The following BAZ2B variants were observed in gnomAD, a reference collection of about 807,000 sequenced individuals.
The protein encoded by BAZ2B is bromodomain adjacent to zinc finger domain 2B.
BAZ2B carries 91 observed loss-of-function variants against 246.0 expected under a neutral mutation model. The observed-to-expected ratio is 0.37, with a 90% CI of 0.31 to 0.44. The LOEUF (loss-of-function observed/expected upper bound fraction) is 0.44. BAZ2B is among the 20% of genes least tolerant of loss of function. BAZ2B has a pLI of 1.00. For synonymous variants in BAZ2B, 855 were observed against 860.0 expected (o/e 0.99, Z 0.10); for missense variants, 2,332 against 2,533.7 (o/e 0.92, Z 1.71).
chr2:159,598,056 C>T lies in BAZ2B; in HGVS notation c.-46+18186G>A, dbSNP rs183598617. ...GTCACCTAGGCTGGATGCAGTGGCA[C>T]GATCTCTGCTCACTGCAATCTCTGC... On this transcript the variant is annotated intron_variant, in intron 1 of 36. Coordinates refer to ENST00000392783, the MANE Select transcript of BAZ2B (RefSeq NM_013450.4). Among the ~76,000 whole-genome samples, 69 of 151,248 alleles carry T rather than the reference C, an allele frequency of 4.6e-4. No homozygotes were observed. The East Asian group carries it at 0.012, about 27-fold the overall frequency.
At chr2:159,425,060 T>C (rs993167429) in intron 13 of BAZ2B, among the ~76,000 whole-genome samples, 1 of 152,224 alleles carries the variant, frequency 6.6e-6, no homozygotes, top group Admixed American at 6.5e-5. Context: ...CTTGGAAAAC[T>C]GTAGTGGCAA....
At chr2:159,641,480 T>C in the BAZ2B span, among the ~76,000 whole-genome samples, 3 of 152,204 alleles carry the variant, frequency 2.0e-5, no homozygotes, top group Non-Finnish European at 4.4e-5. Context: ...AGATGCATAG[T>C]TGGCAAAAAT....
chr2:159,447,626 G>A (rs1192850843), intron 5 of BAZ2B, among the ~76,000 whole-genome samples: 1 of 152,032 alleles, frequency 6.6e-6, no homozygotes, highest in Non-Finnish European at 1.5e-5. Context: ...TTACATATAG[G>A]GAGGTAATGA....
chr2:159,615,529 C>T (rs865926413), intron 1 of BAZ2B: 1 of 152,168 alleles, frequency 6.6e-6, no homozygotes, highest in Non-Finnish European at 1.5e-5. Context: ...GAGCCTCCAG[C>T]TACACACGGG....
chr2:159,693,043 T>G, the BAZ2B span, among the ~76,000 whole-genome samples: 2 of 152,180 alleles, frequency 1.3e-5, no homozygotes, highest in African/African-American at 4.8e-5. Flanking sequence ...GATCCTCCTG[T>G]GTTGACCTCC....
intron 27 of BAZ2B, among the ~76,000 whole-genome samples, chr2:159,368,520 G>A (rs958769175): frequency 5.9e-5 from 9 of 152,016 alleles, no homozygotes; most frequent in African/African-American, 9.7e-5. Flanking sequence ...TACAGCAGAC[G>A]TATATTCCCT....
intron 27 of BAZ2B, among the ~76,000 whole-genome samples, chr2:159,360,209 A>G (rs1437123404): frequency 6.6e-6 from 1 of 152,210 alleles, no homozygotes; most frequent in Admixed American, 6.5e-5. Flanking sequence ...AGAAAATCCC[A>G]TCGTCTCAGC....
chr2:159,469,708 T>C (rs1204510694), intron 3 of BAZ2B, among the ~76,000 whole-genome samples: 1 of 152,150 alleles, frequency 6.6e-6, no homozygotes, highest in Non-Finnish European at 1.5e-5. Context: ...CCCAAAGTGC[T>C]GGGATTACAG....
chr2:159,517,048 CA>C (rs1433534047), intron 2 of BAZ2B, among the ~76,000 whole-genome samples: 1 of 151,624 alleles, frequency 6.6e-6, no homozygotes, highest in East Asian at 1.9e-4. Context: ...AATAAAAGAC[CA>C]AAATTAATTG....
chr2:159,695,309 C>T, the BAZ2B span: 1 of 151,800 alleles, frequency 6.6e-6, no homozygotes, highest in Admixed American at 6.6e-5. Context: ...TATGTGTTGT[C>T]TTTTCGCTTG....
intron 25 of BAZ2B, among the ~76,000 whole-genome samples, chr2:159,380,374 C>G (rs773784152): frequency 1.3e-5 from 2 of 152,216 alleles, no homozygotes; most frequent in Non-Finnish European, 1.5e-5. Flanking sequence ...TGTGTTGACA[C>G]TGGTTACCAA....
At chr2:159,663,471 G>C in the BAZ2B span, among the ~76,000 whole-genome samples, 4 of 151,654 alleles carry the variant, frequency 2.6e-5, no homozygotes, top group African/African-American at 9.7e-5. Context: ...CCAAAGTGCT[G>C]GGATTACAGG....
chr2:159,592,654 AGTC>A (rs1423255144), intron 1 of BAZ2B, among the ~76,000 whole-genome samples: 1 of 152,210 alleles, frequency 6.6e-6, no homozygotes, highest in Non-Finnish European at 1.5e-5. Context: ...TCAAGAACTA[AGTC>A]CTCCCACCAA....
rs7594416 is a variant in BAZ2B, at chr2:159,452,679, C to A, written c.334+934G>T. On this transcript the variant is annotated intron_variant, in intron 4 of 36. Transcript: ENST00000392783. ...CAAGATAATATAACAAATTGAAGCA[C>A]GTTTGTCGAAAGTTTTAATTAACTG... is the stretch of plus-strand genomic sequence containing the variant. 3.9e-5 allele frequency among the ~76,000 whole-genome samples: 6 copies of A among 152,300 alleles called. No homozygotes were observed. In the East Asian group the frequency reaches 1.2e-3, roughly 29 times the overall value.
chr2:159,390,128 T>C (rs1420308503), intron 20 of BAZ2B, among the ~76,000 whole-genome samples: 1 of 152,178 alleles, frequency 6.6e-6, no homozygotes, highest in Non-Finnish European at 1.5e-5. Context: ...AGCTCTCATT[T>C]ATTTAGGGGA....
chr2:159,686,290 A>G, the BAZ2B span, among the ~76,000 whole-genome samples: 2 of 152,184 alleles, frequency 1.3e-5, no homozygotes, highest in Non-Finnish European at 2.9e-5. Flanking sequence ...ATGGCAGATT[A>G]CTACCTTAAC....
intron 34 of BAZ2B, among the ~76,000 whole-genome samples, chr2:159,328,069 C>CAA (rs1558959778): frequency 2.1e-4 from 23 of 111,530 alleles, no homozygotes; most frequent in East Asian, 5.1e-4. Context: ...AGCCTCAAAA[C>CAA]GAAAAAAAAA....
At chr2:159,554,739 AATTT>A (rs1408653832) in intron 2 of BAZ2B, among the ~76,000 whole-genome samples, 2 of 152,254 alleles carry the variant, frequency 1.3e-5, no homozygotes, top group South Asian at 2.1e-4. Flanking sequence ...ATTTGGTAGA[AATTT>A]ATTTATCTGT....
intron 4 of BAZ2B, among the ~76,000 whole-genome samples, chr2:159,452,187 G>A (rs114802794): frequency 0.072 from 11,013 of 152,198 alleles, 551 homozygotes; most frequent in South Asian, 0.14. Context: ...TATGACTCAA[G>A]AAACAGTACT....
Sources: allele counts gnomAD v4.1 joint callset (sites outside exome capture counted in the v4.1 genomes callset), GRCh38; gene constraint gnomAD v4.1.1; transcripts MANE v1.5; gene names NCBI Gene and HGNC (gene_info 2026-07-23, HGNC 2026-07-21).